The following ITGA8 variants were observed in gnomAD, a reference collection of about 807,000 sequenced individuals.
ITGA8 encodes the protein integrin subunit alpha 8.
Under a neutral mutation model 142.3 loss-of-function variants are expected in ITGA8, and 91 were observed. That is an observed-to-expected ratio of 0.64 (90% CI 0.54 to 0.76). ITGA8 has a LOEUF of 0.76. ITGA8 is among the 30% of genes least tolerant of loss of function. The pLI is 0.00. For synonymous variants in ITGA8, 505 were observed against 485.2 expected (o/e 1.04, Z -0.54); for missense variants, 1,406 against 1,327.7 (o/e 1.06, Z -0.92).
At chr10:15,630,039 G>A (rs921527076) in intron 13 of ITGA8, among the ~76,000 whole-genome samples, 12 of 152,012 alleles carry the variant, frequency 7.9e-5, no homozygotes, top group Non-Finnish European at 1.8e-4. Flanking sequence ...TAAAATAATT[G>A]AGACTTGTCA....
intron 26 of ITGA8, among the ~76,000 whole-genome samples, chr10:15,551,476 G>A (rs1833792157): frequency 6.6e-6 from 1 of 152,158 alleles, no homozygotes; most frequent in Non-Finnish European, 1.5e-5. Context: ...GAAAGGCAAG[G>A]TGGCTGGAAG....
intron 13 of ITGA8, among the ~76,000 whole-genome samples, chr10:15,617,521 C>T (rs776252590): frequency 6.6e-6 from 1 of 152,050 alleles, no homozygotes; most frequent in Non-Finnish European, 1.5e-5. Context: ...GCCTCAGCCT[C>T]CCAAGTAGCT....
intron 23 of ITGA8, among the ~76,000 whole-genome samples, chr10:15,581,552 A>G (rs1475243405): frequency 6.6e-6 from 1 of 152,186 alleles, no homozygotes; most frequent in Non-Finnish European, 1.5e-5. Flanking sequence ...CTGAATCTGC[A>G]GTTGGCATGA....
intron 13 of ITGA8, among the ~76,000 whole-genome samples, chr10:15,630,197 C>T (rs2131632978): frequency 6.6e-6 from 1 of 152,144 alleles, no homozygotes. Flanking sequence ...TATTTCCATT[C>T]TCATTCTGCA....
intron 26 of ITGA8, among the ~76,000 whole-genome samples, chr10:15,556,801 ATTCT>A (rs1227875435): frequency 1.3e-5 from 2 of 152,200 alleles, no homozygotes; most frequent in Non-Finnish European, 2.9e-5. Flanking sequence ...GATCTTATTC[ATTCT>A]ATCTAACTAT....
chr10:15,655,342 C>T lies in ITGA8; in HGVS notation c.1001+12G>A. 1 of 1,546,684 alleles carries T rather than the reference C, an allele frequency of 6.5e-7. No individual in the cohort carries two copies. The highest frequency in any genetic ancestry group is 1.1e-5 in the South Asian group (1 of 89,186). The stretch of plus-strand genomic sequence containing the variant: ...GTAATATATTGTATATGAGAGAGGT[C>T]TATAAACTTACCCATCACTGTTAAC... On this transcript the variant is annotated intron_variant, in intron 11 of 29. Coordinates refer to ENST00000378076, the MANE Select transcript of ITGA8 (RefSeq NM_003638.3).
At chr10:15,534,981 G>C (rs1833392643) in intron 27 of ITGA8, among the ~76,000 whole-genome samples, 2 of 152,210 alleles carry the variant, frequency 1.3e-5, no homozygotes, top group East Asian at 1.9e-4. Context: ...AGAGGCACGG[G>C]GGGAGAGGCG....
chr10:15,543,850 T>A (rs912213664), intron 27 of ITGA8, among the ~76,000 whole-genome samples: 3 of 152,040 alleles, frequency 2.0e-5, no homozygotes, highest in African/African-American at 7.2e-5. Flanking sequence ...TGTACTGGGA[T>A]TAGGGTGGGC....
At chr10:15,554,418 C>T in intron 26 of ITGA8, among the ~76,000 whole-genome samples, 1 of 152,164 alleles carries the variant, frequency 6.6e-6, no homozygotes. Context: ...TTCTTTTGGG[C>T]TAGTGCCTCT....
chr10:15,653,610 CAG>C (rs1045899088), intron 11 of ITGA8, among the ~76,000 whole-genome samples: 24 of 152,244 alleles, frequency 1.6e-4, no homozygotes, highest in Admixed American at 1.2e-3. Context: ...CTGTATCATG[CAG>C]AGTCATTTCA....
chr10:15,656,156 C>T (rs1370899924), intron 10 of ITGA8, among the ~76,000 whole-genome samples: 1 of 152,120 alleles, frequency 6.6e-6, no homozygotes, highest in East Asian at 1.9e-4. Context: ...GGTACCAAAA[C>T]ACAGATGACA....
At chr10:15,634,518 T>C (rs1227161511) in intron 13 of ITGA8, among the ~76,000 whole-genome samples, 1 of 152,166 alleles carries the variant, frequency 6.6e-6, no homozygotes, top group Admixed American at 6.5e-5. Context: ...AGAGCTAGAA[T>C]TTGATTTAAT....
chr10:15,566,804 C>T (rs1775608433), intron 25 of ITGA8, among the ~76,000 whole-genome samples: 1 of 140,894 alleles, frequency 7.1e-6, no homozygotes, highest in Admixed American at 7.3e-5. Context: ...AGAGTGAGAC[C>T]TTGTCTTAAA....
chr10:15,652,398 C>CA (rs1554782104), intron 11 of ITGA8, among the ~76,000 whole-genome samples: 3 of 150,346 alleles, frequency 2.0e-5, no homozygotes, highest in Non-Finnish European at 4.4e-5. Context: ...GTTGTGTGGC[C>CA]GTCAGTGGGA....
intron 24 of ITGA8, among the ~76,000 whole-genome samples, chr10:15,573,998 T>G (rs1245325446): frequency 6.6e-6 from 1 of 152,258 alleles, no homozygotes; most frequent in Non-Finnish European, 1.5e-5. Flanking sequence ...TTTATTTTTT[T>G]ATTTTTAGAG....
intron 25 of ITGA8, among the ~76,000 whole-genome samples, chr10:15,560,646 T>C (rs1358151198): frequency 6.6e-6 from 1 of 152,170 alleles, no homozygotes; most frequent in Non-Finnish European, 1.5e-5. Flanking sequence ...TTAAAAATGA[T>C]GGCATGAAGC....
At chr10:15,639,229 C>A (rs896661832) in intron 13 of ITGA8, among the ~76,000 whole-genome samples, 1 of 152,022 alleles carries the variant, frequency 6.6e-6, no homozygotes, top group African/African-American at 2.4e-5. Flanking sequence ...GAGAGAACAG[C>A]GGCTGGTGGG....
In ITGA8 at chr10:15,672,661, C is replaced by G. The variant is rs142594384; in HGVS notation, c.765G>C (p.Thr255=). ...CATCATAGGAAGCTGGAGCCACTTCCGTCTGCTTTTCTCCTGCCAGTTTCC... is the reference window on the plus strand; with the variant it reads ...CATCATAGGAAGCTGGAGCCACTTCGGTCTGCTTTTCTCCTGCCAGTTTCC... ...ILRKLAGEKQ[T]EVAPASYDDS... is the part of the protein sequence containing the mutation. The change falls in exon 7 of 30, where the codon ACG becomes ACC. Residue 255 remains threonine (T), a synonymous_variant. Coordinates refer to ENST00000378076, the MANE Select transcript of ITGA8 (RefSeq NM_003638.3). 1.9e-6 allele frequency: 3 copies of G among 1,613,670 alleles called. No individual in the cohort carries two copies. The Admixed American group carries it at 5.0e-5, about 27-fold the overall frequency.
At chr10:15,562,126 T>G (rs186797807) in intron 25 of ITGA8, among the ~76,000 whole-genome samples, 164 of 152,286 alleles carry the variant, frequency 1.1e-3, no homozygotes, top group Non-Finnish European at 1.6e-3. Context: ...TAATTCAAGA[T>G]GAGATTTGTG....
Sources: gnomAD v4.1 joint callset for allele counts (sites outside exome capture counted in the v4.1 genomes callset) on GRCh38, gnomAD v4.1.1 for gene constraint, MANE v1.5 for transcripts, NCBI Gene and HGNC (gene_info 2026-07-23, HGNC 2026-07-21) for gene names.